Variants in ZNF354A observed in about 807,000 individuals in gnomAD.
The protein encoded by ZNF354A is zinc finger protein 354A.
Under a neutral mutation model 53.3 loss-of-function variants are expected in ZNF354A, and 25 were observed. The observed-to-expected ratio is 0.47, with a 90% CI of 0.34 to 0.66. The LOEUF is 0.66. Ranked by LOEUF, ZNF354A falls within the 30% of genes least tolerant of loss-of-function variation. ZNF354A has a pLI of 0.01. For missense variants in ZNF354A, 586 were observed against 716.8 expected, an observed-to-expected ratio of 0.82 and a Z score of 2.08; for synonymous variants, 228 against 249.0, an observed-to-expected ratio of 0.92 and a Z score of 0.79.
At chr5:178,723,370 G>T (rs1310827043) in intron 4 of ZNF354A, among the ~76,000 whole-genome samples, 2 of 152,202 alleles carry the variant, frequency 1.3e-5, no homozygotes, top group African/African-American at 4.8e-5. Context: ...GCCTAGGCCT[G>T]CCCTGGGCTA....
In ZNF354A at chr5:178,712,510, G is replaced by A. The variant is rs770314966; in HGVS notation, c.1368C>T (p.His456=). ...ALSSHSTLII[H]ERIHTGEKPC... is the part of the protein sequence containing the mutation. ...GTTTTTCTCCAGTATGAATTCGCTC[G>A]TGAATAATAAGTGTTGAGTGGGAGC... Residue 456 remains histidine (H), a synonymous_variant, in exon 5 of 5, where the codon CAC becomes CAT. Transcript: ENST00000335815. The A allele has an allele frequency of 7.5e-5, 121 of 1,613,964 alleles. 1 individual carries two copies. Among genetic ancestry groups the A allele is most frequent in the Admixed American group, 1.7e-4 (10 of 59,992 alleles).
intron 4 of ZNF354A, among the ~76,000 whole-genome samples, chr5:178,722,286 G>A (rs542789421): frequency 1.1e-4 from 17 of 152,202 alleles, no homozygotes; most frequent in Admixed American, 5.9e-4. Context: ...TACATTTCAA[G>A]CTCAGTCTAC....
At chr5:178,714,710 T>C (rs960887133) in intron 4 of ZNF354A, among the ~76,000 whole-genome samples, 1 of 152,058 alleles carries the variant, frequency 6.6e-6, no homozygotes, top group Admixed American at 6.5e-5. Flanking sequence ...CTTACGTATT[T>C]CATATATATA....
chr5:178,712,087 A>G lies in ZNF354A; in HGVS notation c.1791T>C (p.Tyr597=), dbSNP rs1326894535. The part of the protein sequence containing the change: ...FNHRSSLTNH[Y]KIHIEEDP ...AGGGGTCCTCTTCGATATGAATTTT[A>G]TAATGATTAGTAAGGGATGACCTAT... The change falls in exon 5 of 5, where the codon TAT becomes TAC. Residue 597 remains tyrosine (Y), a synonymous_variant. Transcript: ENST00000335815. The G allele has an allele frequency of 1.2e-6, 2 of 1,601,234 alleles. No homozygotes were observed. Among genetic ancestry groups the G allele is most frequent in the Non-Finnish European group, 8.5e-7 (1 of 1,173,476 alleles).
intron 4 of ZNF354A, among the ~76,000 whole-genome samples, chr5:178,715,097 A>G (rs771866056): frequency 2.6e-5 from 4 of 152,234 alleles, no homozygotes; most frequent in Non-Finnish European, 4.4e-5. Flanking sequence ...AGAAGTGAAG[A>G]AATATTAAAA....
intron 4 of ZNF354A, among the ~76,000 whole-genome samples, chr5:178,715,778 C>T (rs888191755): frequency 1.3e-5 from 2 of 152,076 alleles, no homozygotes; most frequent in African/African-American, 2.4e-5. Flanking sequence ...GCCCTGAGCA[C>T]GGGGATCAGG....
chr5:178,726,467 T>A (rs1185269881), intron 3 of ZNF354A, among the ~76,000 whole-genome samples: 1 of 151,692 alleles, frequency 6.6e-6, no homozygotes, highest in Non-Finnish European at 1.5e-5. Flanking sequence ...CCAGCTAATT[T>A]TTTTTGTGTT....
chr5:178,727,168 C>T, intron 2 of ZNF354A, 43 bp from the exon 3 acceptor site: 2 of 1,574,480 alleles, frequency 1.3e-6, no homozygotes, highest in Non-Finnish European at 1.7e-6. Flanking sequence ...ACCACCCTCA[C>T]AGAGCAGAGG....
chr5:178,720,461 T>C (rs568641593), intron 4 of ZNF354A, among the ~76,000 whole-genome samples: 7 of 152,280 alleles, frequency 4.6e-5, no homozygotes, highest in Admixed American at 3.3e-4. Context: ...GGAAAGATGA[T>C]GTGAAGACAC....
chr5:178,727,468 A>C (rs904127142), intron 2 of ZNF354A, among the ~76,000 whole-genome samples: 29 of 152,242 alleles, frequency 1.9e-4, no homozygotes, highest in Admixed American at 1.9e-3. Context: ...TTGTACGATA[A>C]TGAACAGTGC....
At position 178,713,267 on chromosome 5, in the gene ZNF354A, T is replaced by C. The variant is rs182565676; in HGVS notation, c.611A>G (p.Asn204Ser). 4 of 1,614,178 alleles carry C rather than the reference T, an allele frequency of 2.5e-6. No homozygotes were observed. In the South Asian group the frequency reaches 3.3e-5, roughly 13 times the overall value. ...TTTATCTGCTGTAATTTTTGGTTGA[T>C]TAAGTAATTGTGAATTCTGTTTGAG... Reference protein sequence around the residue: ...NSLKQNSQLLNQPKITADKRY... With the variant: ...NSLKQNSQLLSQPKITADKRY... The change falls in exon 5 of 5, where the codon AAT becomes AGT. Residue 204 changes from asparagine to serine, a missense_variant. By Grantham distance (46) the Asn-to-Ser change is conservative. This residue lies in a region of ZNF354A where 573 missense variants were observed against 680.1 expected (regional missense o/e 0.84). Transcript: ENST00000335815.
At chr5:178,720,589 A>T (rs545581867) in intron 4 of ZNF354A, among the ~76,000 whole-genome samples, 1 of 152,242 alleles carries the variant, frequency 6.6e-6, no homozygotes, top group African/African-American at 2.4e-5. Flanking sequence ...AATTCTATGC[A>T]GAGTCTCAGA....
At position 178,712,476 on chromosome 5, in the gene ZNF354A, A is replaced by G. The variant is rs1765637436; in HGVS notation, c.1402T>C (p.Cys468Arg). 6.2e-7 allele frequency: 1 copy of G among 1,613,914 alleles called. No homozygotes were observed. Among genetic ancestry groups the G allele is most frequent in the African/African-American group, 1.3e-5 (1 of 75,008 alleles). The change falls in exon 5 of 5, where the codon TGT (cysteine) becomes CGT (arginine). Residue 468 changes from cysteine (C) to arginine (R), a missense_variant. Physicochemically the swap from Cys to Arg is radical, Grantham distance 180. Around this residue, in one of 2 missense-constraint regions of ZNF354A, gnomAD observed 573 missense variants for 680.1 expected, o/e 0.84. Coordinates refer to ENST00000335815, the MANE Select transcript of ZNF354A (RefSeq NM_005649.3). ...CTGAAGGCTTTTCCACATACTTTACATTTACATGGTTTTTCTCCAGTATGA... is the reference window on the plus strand; with the variant it reads ...CTGAAGGCTTTTCCACATACTTTACGTTTACATGGTTTTTCTCCAGTATGA... ...RIHTGEKPCK[C>R]KVCGKAFRQS...
At chr5:178,730,024 C>T (rs1025019450) in intron 1 of ZNF354A, among the ~76,000 whole-genome samples, 3 of 152,100 alleles carry the variant, frequency 2.0e-5, no homozygotes, top group Non-Finnish European at 4.4e-5. Flanking sequence ...CCACTACGCC[C>T]GGCTAATTTT....
intron 2 of ZNF354A, among the ~76,000 whole-genome samples, chr5:178,728,088 G>A (rs938190914): frequency 5.9e-5 from 9 of 152,032 alleles, no homozygotes; most frequent in Admixed American, 4.6e-4. Flanking sequence ...GCGATCTGCC[G>A]GCCTCGACCT....
Position 178,711,993 on chromosome 5 carries a change from A to T in ZNF354A, c.*67T>A. 1 of 1,503,144 alleles carries T rather than the reference A, an allele frequency of 6.7e-7. No individual in the cohort carries two copies. Among genetic ancestry groups the T allele is most frequent in the Non-Finnish European group, 8.9e-7 (1 of 1,127,288 alleles). The allele number at this position is 1,503,144 out of a possible 1,614,324, so 93.1% of individuals were successfully genotyped here. A position where few individuals can be genotyped will look rare whatever the true frequency, so the allele number is the denominator to read the frequency against. On this transcript the variant is annotated 3_prime_UTR_variant, in exon 5 of 5. Coordinates refer to ENST00000335815, the MANE Select transcript of ZNF354A (RefSeq NM_005649.3). ...TTTTCACATCCATTACATTTATTAC[A>T]TCTCTCTCAAGGATGTATTCTTCGA...
At chr5:178,725,614 G>A in intron 3 of ZNF354A, 143 bp from the exon 4 acceptor site, 1 of 746,508 alleles carries the variant, frequency 1.3e-6, no homozygotes, top group Non-Finnish European at 2.2e-6. Flanking sequence ...GGGAGGTAAG[G>A]GGGTAAGGCG....
intron 4 of ZNF354A, among the ~76,000 whole-genome samples, chr5:178,722,508 C>T (rs868231083): frequency 6.6e-6 from 1 of 152,164 alleles, no homozygotes; most frequent in Non-Finnish European, 1.5e-5. Context: ...CCCCATCTCC[C>T]TTTTGTTTGC....
chr5:178,728,087 C>T (rs1381076056), intron 2 of ZNF354A, among the ~76,000 whole-genome samples: 4 of 152,260 alleles, frequency 2.6e-5, no homozygotes, highest in South Asian at 2.1e-4. Context: ...GGCGATCTGC[C>T]GGCCTCGACC....
Sources: allele counts gnomAD v4.1 joint callset (sites outside exome capture counted in the v4.1 genomes callset), GRCh38; gene constraint gnomAD v4.1.1; regional missense constraint gnomAD v4.1.1; transcripts MANE v1.5; gene names NCBI Gene and HGNC (gene_info 2026-07-23, HGNC 2026-07-21).